The following DOCK3 variants were observed in gnomAD, a reference collection of about 807,000 sequenced individuals.
DOCK3 encodes the protein dedicator of cytokinesis protein 3.
A neutral mutation model predicts 265.6 loss-of-function variants in DOCK3; 60 were observed. The ratio of observed to expected loss-of-function variants is 0.23; its 90% CI spans 0.18 to 0.28. The LOEUF is 0.28. DOCK3 is among the 10% of genes least tolerant of loss of function. DOCK3 has a pLI of 1.00. For synonymous variants in DOCK3, 881 were observed against 938.0 expected, an observed-to-expected ratio of 0.94 and a Z score of 1.11; for missense variants, 1,981 against 2,594.3, an observed-to-expected ratio of 0.76 and a Z score of 5.14.
intron 4 of DOCK3, among the ~76,000 whole-genome samples, chr3:50,891,405 T>C (rs1485679467): frequency 6.6e-6 from 1 of 152,096 alleles, no homozygotes; most frequent in Non-Finnish European, 1.5e-5. Flanking sequence ...ATTCTTCCCC[T>C]TCTCCTTTTA....
rs745544080 is a variant in DOCK3, at chr3:51,069,590, G to A, written c.464+4994G>A. 1.4e-4 allele frequency among the ~76,000 whole-genome samples: 20 copies of A among 147,086 alleles called. 1 individual carries two copies. The highest frequency in any genetic ancestry group is 4.2e-4 in the South Asian group (2 of 4,782). ...TATGTGTGTATATGTGTGTGTGTGT[G>A]TATATATATATATAAATTTCTGGTT... On this transcript the variant is annotated intron_variant, in intron 6 of 52. Coordinates refer to ENST00000266037, the MANE Select transcript of DOCK3 (RefSeq NM_004947.5).
At chr3:51,380,956 G>T (rs1303095908) in intron 52 of DOCK3, 94 bp from the exon 53 acceptor site, 14 of 1,449,678 alleles carry the variant, frequency 9.7e-6, no homozygotes, top group Non-Finnish European at 1.3e-5. Context: ...GAGGGTTAAA[G>T]TTCATTCATA....
intron 37 of DOCK3, among the ~76,000 whole-genome samples, chr3:51,339,526 A>G (rs1330642401): frequency 6.6e-6 from 1 of 152,236 alleles, no homozygotes; most frequent in Admixed American, 6.5e-5. Context: ...CACATTGTGC[A>G]CTCAGTGTAG....
intron 23 of DOCK3, among the ~76,000 whole-genome samples, chr3:51,262,904 G>C (rs564002160): frequency 6.6e-6 from 1 of 152,326 alleles, no homozygotes; most frequent in South Asian, 2.1e-4. Flanking sequence ...AAGCCTCCAA[G>C]AAATATGGGA....
intron 5 of DOCK3, among the ~76,000 whole-genome samples, chr3:51,018,019 A>G (rs1224174011): frequency 1.3e-5 from 2 of 151,400 alleles, no homozygotes; most frequent in African/African-American, 4.9e-5. Context: ...CAGCCTCCCG[A>G]GTACCTGGAT....
At chr3:50,901,133 C>T (rs2049169559) in intron 4 of DOCK3, among the ~76,000 whole-genome samples, 1 of 152,120 alleles carries the variant, frequency 6.6e-6, no homozygotes, top group Non-Finnish European at 1.5e-5. Flanking sequence ...TGTATAAGCC[C>T]CTGAATGGGG....
chr3:51,019,089 C>T (rs772422630), intron 5 of DOCK3, among the ~76,000 whole-genome samples: 1 of 151,856 alleles, frequency 6.6e-6, no homozygotes, highest in East Asian at 1.9e-4. Context: ...GTTGCCTAGG[C>T]TGTCAGTGGT....
At chr3:51,109,544 C>A (rs181824989) in intron 9 of DOCK3, among the ~76,000 whole-genome samples, 5 of 151,916 alleles carry the variant, frequency 3.3e-5, no homozygotes, top group Admixed American at 1.3e-4. Context: ...AAGATTGAGA[C>A]ACAAAAAAAT....
chr3:51,145,658 G>T (rs1190563735), intron 9 of DOCK3, among the ~76,000 whole-genome samples: 1 of 151,968 alleles, frequency 6.6e-6, no homozygotes, highest in Non-Finnish European at 1.5e-5. Flanking sequence ...TTTATGTGTG[G>T]CCCAAGACAG....
intron 5 of DOCK3, among the ~76,000 whole-genome samples, chr3:51,025,184 C>A (rs2079761741): frequency 6.6e-6 from 1 of 152,164 alleles, no homozygotes; most frequent in African/African-American, 2.4e-5. Context: ...TGGAGAAATA[C>A]CACCAGGTTG....
intron 27 of DOCK3, among the ~76,000 whole-genome samples, chr3:51,294,737 G>A (rs2081982237): frequency 6.6e-6 from 1 of 151,380 alleles, no homozygotes; most frequent in Non-Finnish European, 1.5e-5. Context: ...GTAGAATGAT[G>A]GTTACCAGAG....
chr3:50,821,386 G>A (rs1189543964), intron 2 of DOCK3, among the ~76,000 whole-genome samples: 19 of 151,610 alleles, frequency 1.3e-4, no homozygotes, highest in African/African-American at 4.4e-4. Flanking sequence ...TGCAAGCTCC[G>A]CCTCCCGGGT....
chr3:51,162,085 G>C (rs2086170238), intron 12 of DOCK3, among the ~76,000 whole-genome samples: 1 of 152,160 alleles, frequency 6.6e-6, no homozygotes, highest in Admixed American at 6.5e-5. Context: ...AGTTTTTAAA[G>C]CAAGTATATT....
At chr3:51,067,481 T>C (rs1209320216) in intron 6 of DOCK3, among the ~76,000 whole-genome samples, 1 of 145,090 alleles carries the variant, frequency 6.9e-6, no homozygotes, top group Non-Finnish European at 1.5e-5. Context: ...GGGGTATGTA[T>C]ATGCATATCT....
At chr3:51,105,000 A>C (rs2083229546) in intron 9 of DOCK3, among the ~76,000 whole-genome samples, 1 of 152,138 alleles carries the variant, frequency 6.6e-6, no homozygotes, top group African/African-American at 2.4e-5. Context: ...AGTTTTCTGG[A>C]AGAGATAATG....
chr3:50,894,316 A>G (rs945195729), intron 4 of DOCK3, among the ~76,000 whole-genome samples: 3 of 152,038 alleles, frequency 2.0e-5, no homozygotes, highest in East Asian at 1.9e-4. Flanking sequence ...AGGATGATAT[A>G]TTTAAAATAC....
intron 5 of DOCK3, among the ~76,000 whole-genome samples, chr3:51,050,251 A>G (rs1247019890): frequency 6.6e-6 from 1 of 151,976 alleles, no homozygotes; most frequent in Admixed American, 6.6e-5. Flanking sequence ...CCCGGACATT[A>G]TTGTGCACAC....
chr3:51,013,654 C>T (rs905244814), intron 5 of DOCK3, among the ~76,000 whole-genome samples: 7 of 152,184 alleles, frequency 4.6e-5, no homozygotes, highest in Non-Finnish European at 8.8e-5. Context: ...GGCAGTCGGT[C>T]CGTTCTCAGA....
chr3:50,827,529 C>T (rs1338253960), intron 2 of DOCK3, among the ~76,000 whole-genome samples: 3 of 152,074 alleles, frequency 2.0e-5, no homozygotes, highest in African/African-American at 4.8e-5. Flanking sequence ...TCTGGATACG[C>T]TTATATTGGG....
Sources: allele counts gnomAD v4.1 joint callset (sites outside exome capture counted in the v4.1 genomes callset), GRCh38; gene constraint gnomAD v4.1.1; transcripts MANE v1.5; gene names NCBI Gene and HGNC (gene_info 2026-07-23, HGNC 2026-07-21).